Variants in HIPK2 observed in about 807,000 individuals in gnomAD.
HIPK2 encodes the protein homeodomain interacting protein kinase 2, also known as homeodomain-interacting protein kinase 2.
Under a neutral mutation model 113.7 loss-of-function variants are expected in HIPK2, and 27 were observed. The observed-to-expected ratio is 0.24, with a 90% CI of 0.17 to 0.33. The LOEUF is 0.33. Among genes scored for constraint, HIPK2 ranks in the 10% least tolerant of loss-of-function variants. The probability of loss-of-function intolerance (pLI) is 1.00; values close to 1 mark genes in which losing one functional copy is unlikely to be tolerated. For missense variants in HIPK2, 1,257 were observed against 1,588.0 expected (o/e 0.79, Z 3.54); for synonymous variants, 631 against 642.2 (o/e 0.98, Z 0.26).
intron 13 of HIPK2, 37 bp from the exon 14 acceptor site, chr7:139,575,325 G>C: frequency 1.3e-6 from 2 of 1,533,246 alleles, no homozygotes; most frequent in East Asian, 2.5e-5. Context: ...ATCAGTGGCA[G>C]GGTCCCAGCT....
intron 13 of HIPK2, among the ~76,000 whole-genome samples, chr7:139,576,102 T>G (rs905058828): frequency 4.6e-5 from 7 of 152,258 alleles, no homozygotes; most frequent in Non-Finnish European, 1.0e-4. Context: ...GTGTCTGTGG[T>G]GGGACCTAAT....
intron 1 of HIPK2, among the ~76,000 whole-genome samples, chr7:139,776,524 C>T (rs1177900557): frequency 6.6e-6 from 1 of 152,046 alleles, no homozygotes; most frequent in African/African-American, 2.4e-5. Flanking sequence ...ATTACATTCC[C>T]CCCTCGTGCC....
At position 139,608,084 on chromosome 7, in the gene HIPK2, C is replaced by CA. The variant is rs575277000; in HGVS notation, c.2113-3862dup. Among the ~76,000 whole-genome samples, 643 of 150,326 alleles carry CA rather than the reference C, an allele frequency of 4.3e-3. 4 individuals carry two copies. Among genetic ancestry groups the CA allele is most frequent in the African/African-American group, 0.015 (605 of 41,068 alleles). ...TGAAACCTAGTCTCTACTAAAAATA[C>CA]AAAAAAAAATTAGCCGGGGCGTGGT... On this transcript the variant is annotated intron_variant, in intron 9 of 14. Coordinates refer to ENST00000406875, the MANE Select transcript of HIPK2 (RefSeq NM_022740.5).
intron 2 of HIPK2, among the ~76,000 whole-genome samples, chr7:139,670,893 G>A (rs192580945): frequency 0.013 from 1,957 of 150,550 alleles, 18 homozygotes; most frequent in Non-Finnish European, 0.021. Context: ...CCCTAGTGGC[G>A]GGGATTACAG....
At chr7:139,615,579 G>A (rs1004089270) in intron 7 of HIPK2, among the ~76,000 whole-genome samples, 1 of 152,172 alleles carries the variant, frequency 6.6e-6, no homozygotes, top group Admixed American at 6.5e-5. Context: ...TGATCCTTTA[G>A]CAAGATAGGT....
In HIPK2 at chr7:139,576,409, A is replaced by G. The variant is rs758040678; in HGVS notation, c.2966-1121T>C. On this transcript the variant is annotated intron_variant, in intron 13 of 14. Coordinates refer to ENST00000406875, the MANE Select transcript of HIPK2 (RefSeq NM_022740.5). The stretch of plus-strand genomic sequence containing the variant: ...GGGGGCCCGAGCACCTGCATTTCTG[A>G]CAAGCTCCCAGGGGGTGCCAGTGCT... Among the ~76,000 whole-genome samples, 35 of 152,258 alleles carry G rather than the reference A, an allele frequency of 2.3e-4. 1 individual carries two copies. The highest frequency in any genetic ancestry group is 1.6e-3 in the Admixed American group (25 of 15,304).
chr7:139,647,587 C>CATCTATCTAT (rs1801284691), intron 2 of HIPK2, among the ~76,000 whole-genome samples: 1 of 152,086 alleles, frequency 6.6e-6, no homozygotes, highest in South Asian at 2.1e-4. Flanking sequence ...ATCTATCTAT[C>CATCTATCTAT]ATCTATCTAT....
intron 11 of HIPK2, among the ~76,000 whole-genome samples, chr7:139,599,494 C>G (rs1288496817): frequency 6.6e-6 from 1 of 152,072 alleles, no homozygotes; most frequent in Non-Finnish European, 1.5e-5. Context: ...CAGCATGCAG[C>G]CTTTTGTTGA....
intron 1 of HIPK2, among the ~76,000 whole-genome samples, chr7:139,729,091 C>T (rs546824251): frequency 2.6e-5 from 4 of 152,136 alleles, no homozygotes; most frequent in East Asian, 1.9e-4. Flanking sequence ...TGGGAGGCCG[C>T]GATGGGTGGA....
chr7:139,624,371 C>T (rs1800352047), intron 6 of HIPK2, among the ~76,000 whole-genome samples: 1 of 152,172 alleles, frequency 6.6e-6, no homozygotes, highest in Non-Finnish European at 1.5e-5. Flanking sequence ...TTGCCACTGG[C>T]TGGACCTTCC....
chr7:139,775,188 A>C (rs1217487304), intron 1 of HIPK2, among the ~76,000 whole-genome samples: 1 of 152,204 alleles, frequency 6.6e-6, no homozygotes, highest in Non-Finnish European at 1.5e-5. Context: ...ATCTACAGGA[A>C]AAGCTCTGCT....
chr7:139,715,138 C>A (rs1038898506), intron 2 of HIPK2, among the ~76,000 whole-genome samples: 4 of 152,218 alleles, frequency 2.6e-5, no homozygotes, highest in African/African-American at 9.7e-5. Flanking sequence ...ATGGCAAGGG[C>A]CCTGTCTATA....
intron 2 of HIPK2, among the ~76,000 whole-genome samples, chr7:139,639,759 A>G (rs1800942185): frequency 6.6e-6 from 1 of 152,120 alleles, no homozygotes; most frequent in South Asian, 2.1e-4. Context: ...CTCCATACAC[A>G]TTTGTAGAAG....
intron 2 of HIPK2, among the ~76,000 whole-genome samples, chr7:139,644,729 T>G (rs556698323): frequency 2.0e-5 from 3 of 152,366 alleles, no homozygotes; most frequent in Admixed American, 2.0e-4. Flanking sequence ...CTGTCACTTT[T>G]CAGCTTTCTG....
chr7:139,738,568 T>C (rs1255590193), intron 1 of HIPK2, among the ~76,000 whole-genome samples: 1 of 152,192 alleles, frequency 6.6e-6, no homozygotes, highest in Non-Finnish European at 1.5e-5. Flanking sequence ...ATAACGATCA[T>C]TCGTGTGTCT....
intron 7 of HIPK2, among the ~76,000 whole-genome samples, chr7:139,616,148 G>A (rs1423411536): frequency 1.3e-5 from 2 of 152,088 alleles, no homozygotes; most frequent in Non-Finnish European, 2.9e-5. Context: ...ACTTCTGCTC[G>A]GTGGTTCCAC....
chr7:139,664,948 CAG>C (rs1346638370), intron 2 of HIPK2, among the ~76,000 whole-genome samples: 1 of 152,176 alleles, frequency 6.6e-6, no homozygotes, highest in African/African-American at 2.4e-5. Context: ...GACCTTAATA[CAG>C]AGTGTCTCTA....
chr7:139,718,131 C>T (rs1034659275), intron 1 of HIPK2, among the ~76,000 whole-genome samples: 2 of 152,148 alleles, frequency 1.3e-5, no homozygotes, highest in African/African-American at 4.8e-5. Context: ...AACACTTGTA[C>T]AAATTACGGT....
At chr7:139,687,540 T>C (rs1269655149) in intron 2 of HIPK2, among the ~76,000 whole-genome samples, 1 of 152,210 alleles carries the variant, frequency 6.6e-6, no homozygotes, top group Admixed American at 6.5e-5. Flanking sequence ...ATACAGGATA[T>C]TTAATGTTGC....
Sources: allele counts gnomAD v4.1 joint callset (sites outside exome capture counted in the v4.1 genomes callset), GRCh38; gene constraint gnomAD v4.1.1; transcripts MANE v1.5; gene names NCBI Gene and HGNC (gene_info 2026-07-23, HGNC 2026-07-21).